The following ETS2 variants were observed in gnomAD, a reference collection of about 807,000 sequenced individuals.
ETS2 encodes the protein protein C-ets-2.
Under a neutral mutation model 54.9 loss-of-function variants are expected in ETS2, and 19 were observed. The observed-to-expected ratio is 0.35, with a 90% CI of 0.24 to 0.51. ETS2 has a LOEUF of 0.51. ETS2 is among the 20% of genes least tolerant of loss of function. The pLI is 0.97. For missense variants in ETS2, 417 were observed against 593.0 expected (o/e 0.70, Z 3.08); for synonymous variants, 219 against 229.3 (o/e 0.95, Z 0.41).
intron 6 of ETS2, 66 bp from the exon 7 acceptor site, chr21:38,818,359 C>T (rs751140138): frequency 2.2e-5 from 36 of 1,607,830 alleles, no homozygotes; most frequent in Middle Eastern, 2.2e-4. Flanking sequence ...GTCATTTGCT[C>T]GTAGGGGTTA....
At chr21:38,809,851 C>T in intron 1 of ETS2, 184 bp from the exon 2 acceptor site, 1 of 528,196 alleles carries the variant, frequency 1.9e-6, no homozygotes, top group Non-Finnish European at 3.3e-6. Context: ...CATTGTGATA[C>T]TGAGAAATGC....
At chr21:38,817,195 G>A in intron 6 of ETS2, 104 bp downstream of exon 6, 1 of 696,558 alleles carries the variant, frequency 1.4e-6, no homozygotes, top group East Asian at 2.6e-5. Flanking sequence ...AGACCTGTGT[G>A]TCTCTTATGG....
intron 2 of ETS2, among the ~76,000 whole-genome samples, chr21:38,812,550 G>A (rs1366247190): frequency 6.6e-6 from 1 of 152,216 alleles, no homozygotes; most frequent in Non-Finnish European, 1.5e-5. Flanking sequence ...GGAGGCCAAG[G>A]CGGGTGGATT....
intron 2 of ETS2, among the ~76,000 whole-genome samples, chr21:38,812,270 C>T (rs1239754508): frequency 6.6e-6 from 1 of 152,158 alleles, no homozygotes; most frequent in African/African-American, 2.4e-5. Flanking sequence ...CTCAGACGGC[C>T]TTGTCAAGGG....
Position 38,823,032 on chromosome 21 carries a change from C to A in ETS2, c.*143C>A. 1.8e-6 allele frequency: 1 copy of A among 555,258 alleles called. No individual in the cohort carries two copies. The highest frequency in any genetic ancestry group is 3.0e-6 in the Non-Finnish European group (1 of 338,360). 34.4% of individuals were successfully genotyped at this position (555,258 alleles called of 1,614,324 possible). A position where few individuals can be genotyped will look rare whatever the true frequency, so the allele number is the denominator to read the frequency against. ...CAAGAAGCAGTGGCCTTATTGCATC[C>A]CAAACCACGCCTCTTGACCAGGCTG... is the stretch of plus-strand genomic sequence containing the variant. On this transcript the variant is annotated 3_prime_UTR_variant, in exon 10 of 10. Transcript: ENST00000360938.
At chr21:38,805,624 C>T (rs1569019277), upstream of ETS2, 9 of 1,243,436 alleles carry the variant, frequency 7.2e-6, no homozygotes, top group Non-Finnish European at 9.3e-6. This position sits in a 1 kb window ranked among gnomAD's most constrained non-coding sequence, Gnocchi z 5.2. Context: ...AAGGTTGGGC[C>T]GGAAGGTGTC....
intron 6 of ETS2, among the ~76,000 whole-genome samples, chr21:38,817,715 G>A (rs1384081104): frequency 6.6e-6 from 1 of 152,224 alleles, no homozygotes. Flanking sequence ...ATACTGGGGA[G>A]GGCACAGGGT....
chr21:38,818,347 C>T, intron 6 of ETS2, 78 bp from the exon 7 acceptor site: 2 of 1,601,576 alleles, frequency 1.2e-6, no homozygotes, highest in African/African-American at 1.3e-5. Flanking sequence ...GAGTGCTCAC[C>T]TGTCATTTGC....
chr21:38,807,795 C>T (rs903454889), intron 1 of ETS2, among the ~76,000 whole-genome samples: 1 of 152,174 alleles, frequency 6.6e-6, no homozygotes, highest in African/African-American at 2.4e-5. Context: ...AAAACAGAAT[C>T]AAGTCAGCAA....
At chr21:38,819,091 C>G (rs566908197) in intron 7 of ETS2, among the ~76,000 whole-genome samples, 1 of 152,136 alleles carries the variant, frequency 6.6e-6, no homozygotes, top group South Asian at 2.1e-4. Flanking sequence ...ATAATGTCCC[C>G]CCGACAGAAG....
chr21:38,824,348 C>G lies in ETS2; in HGVS notation c.*1459C>G, dbSNP rs1444709397. ...GGAAAGAGAAAGCATCGGAGCCATT[C>G]ATTCGGAGAAAACGTTTTGATCAAA... On this transcript the variant is annotated 3_prime_UTR_variant, in exon 10 of 10. Transcript: ENST00000360938. 1.3e-5 allele frequency: 2 copies of G among 152,242 alleles called. No homozygotes were observed. Among genetic ancestry groups the G allele is most frequent in the East Asian group, 1.9e-4 (1 of 5,202 alleles). 9.4% of individuals were successfully genotyped at this position (152,242 alleles called of 1,614,324 possible). A position where few individuals can be genotyped will look rare whatever the true frequency, so the allele number is the denominator to read the frequency against.
chr21:38,805,470 G>A (rs2060887684), upstream of ETS2: 1 of 1,288,262 alleles, frequency 7.8e-7, no homozygotes. The surrounding 1 kb of genome is among the most constrained non-coding windows in gnomAD (Gnocchi z 5.2). Context: ...CTTGGCCCCA[G>A]AGAGGACGCC....
chr21:38,823,078 G>GCA lies in ETS2; in HGVS notation c.*192_*193dup. 2.2e-6 allele frequency: 1 copy of GCA among 464,276 alleles called. No individual in the cohort carries two copies. The highest frequency in any genetic ancestry group is 4.5e-5 in the South Asian group (1 of 22,364). 28.8% of individuals were successfully genotyped at this position (464,276 alleles called of 1,614,324 possible). The stretch of plus-strand genomic sequence containing the variant: ...GGCTGCCTCCCTTGTGGCAGCAACG[G>GCA]CACAGCTAATTCTACTCACAGTGCT... On this transcript the variant is annotated 3_prime_UTR_variant, in exon 10 of 10. Transcript: ENST00000360938.
In ETS2 at chr21:38,806,056, G is replaced by T. The variant is rs1180150131; in HGVS notation, c.-65G>T. 5 of 1,183,222 alleles carry T rather than the reference G, an allele frequency of 4.2e-6. No individual in the cohort carries two copies. The Admixed American group carries it at 1.5e-4, about 37-fold the overall frequency. The allele number at this position is 1,183,222 out of a possible 1,614,324, so 73.3% of individuals were successfully genotyped here. ...CCCTCGCCCTCGCCCGGCGCGCACC[G>T]AGCAGCCGCGGGCGCCGAGCAGCCA... On this transcript the variant is annotated 5_prime_UTR_variant, in exon 1 of 10. Coordinates refer to ENST00000360938, the MANE Select transcript of ETS2 (RefSeq NM_005239.6). The surrounding 1 kb of genome is among the most constrained non-coding windows in gnomAD (Gnocchi z 4.3).
At chr21:38,805,243 A>G, upstream of ETS2, 1 of 919,768 alleles carries the variant, frequency 1.1e-6, no homozygotes, top group African/African-American at 1.8e-5. This position sits in a 1 kb window ranked among gnomAD's most constrained non-coding sequence, Gnocchi z 5.2. Flanking sequence ...CAGCACCACG[A>G]CTCGGGGACA....
At chr21:38,812,486 A>G (rs940149140) in intron 2 of ETS2, among the ~76,000 whole-genome samples, 79 of 152,232 alleles carry the variant, frequency 5.2e-4, no homozygotes, top group African/African-American at 1.7e-3. Context: ...GGTTACTTAA[A>G]TAAATCCACA....
intron 5 of ETS2, among the ~76,000 whole-genome samples, chr21:38,816,366 A>G (rs1478525701): frequency 6.6e-6 from 1 of 151,914 alleles, no homozygotes; most frequent in Non-Finnish European, 1.5e-5. Flanking sequence ...TTTTCTACCA[A>G]GTTTCTGGTG....
At chr21:38,811,805 C>A (rs998090791) in intron 2 of ETS2, among the ~76,000 whole-genome samples, 1 of 152,056 alleles carries the variant, frequency 6.6e-6, no homozygotes, top group Non-Finnish European at 1.5e-5. Context: ...GAAATCTTTC[C>A]CCTTAGTAGG....
intron 7 of ETS2, 23 bp from the exon 8 acceptor site, chr21:38,819,480 A>G (rs1342744490): frequency 6.2e-7 from 1 of 1,611,744 alleles, no homozygotes; most frequent in East Asian, 2.2e-5. Context: ...GAATCAAAGT[A>G]TGTGTTTGGT....
Sources: allele counts gnomAD v4.1 joint callset (sites outside exome capture counted in the v4.1 genomes callset), GRCh38; gene constraint gnomAD v4.1.1; non-coding constraint Gnocchi (gnomAD v3.1); transcripts MANE v1.5; gene names NCBI Gene and HGNC (gene_info 2026-07-23, HGNC 2026-07-21).